Variants in TRPM6 observed in about 807,000 individuals in gnomAD.
The protein encoded by TRPM6 is transient receptor potential cation channel subfamily M member 6.
Under a neutral mutation model 247.6 loss-of-function variants are expected in TRPM6, and 111 were observed. That is an observed-to-expected ratio of 0.45 (90% CI 0.38 to 0.52). The LOEUF is 0.52. Among genes scored for constraint, TRPM6 ranks in the 20% least tolerant of loss-of-function variants. The pLI, the probability that TRPM6 is intolerant of heterozygous loss-of-function variation, is 0.00. For missense variants in TRPM6, 2,126 were observed against 2,421.5 expected (o/e 0.88, Z 2.56); for synonymous variants, 892 against 853.8 (o/e 1.04, Z -0.78).
At chr9:74,835,525 T>C (rs990676121) in intron 5 of TRPM6, among the ~76,000 whole-genome samples, 14 of 152,134 alleles carry the variant, frequency 9.2e-5, no homozygotes, top group Non-Finnish European at 2.1e-4. Context: ...ATGTTAATGT[T>C]CGCCCTTCTG....
At chr9:74,726,598 G>C (rs929768239) in intron 38 of TRPM6, among the ~76,000 whole-genome samples, 2 of 152,194 alleles carry the variant, frequency 1.3e-5, no homozygotes, top group Non-Finnish European at 2.9e-5. Flanking sequence ...CACTAACTGA[G>C]CTCAAGGATT....
At chr9:74,853,825 C>T (rs1005942979) in intron 3 of TRPM6, among the ~76,000 whole-genome samples, 8 of 151,892 alleles carry the variant, frequency 5.3e-5, no homozygotes, top group Non-Finnish European at 1.2e-4. Context: ...CCAAATCCCC[C>T]TCTCCGAGAA....
intron 23 of TRPM6, among the ~76,000 whole-genome samples, chr9:74,778,482 G>A (rs1012043350): frequency 4.6e-5 from 7 of 152,198 alleles, no homozygotes; most frequent in Non-Finnish European, 1.5e-5. Flanking sequence ...GCTTTGTGCT[G>A]CCTCCATAAT....
At chr9:74,773,461 TA>T (rs888937787) in intron 24 of TRPM6, among the ~76,000 whole-genome samples, 1 of 152,200 alleles carries the variant, frequency 6.6e-6, no homozygotes, top group African/African-American at 2.4e-5. Flanking sequence ...AATAACTCAT[TA>T]AAAAGACACA....
intron 1 of TRPM6, among the ~76,000 whole-genome samples, chr9:74,883,856 T>A (rs1215387479): frequency 6.6e-6 from 1 of 152,078 alleles, no homozygotes; most frequent in East Asian, 1.9e-4. Flanking sequence ...TAAAATTAAA[T>A]TAAAATAAAT....
At chr9:74,855,598 G>GT in intron 2 of TRPM6, 33 bp from the exon 3 acceptor site, 1 of 1,443,342 alleles carries the variant, frequency 6.9e-7, no homozygotes, top group Non-Finnish European at 9.8e-7. Flanking sequence ...CTGTTAGTTT[G>GT]TTGGTGTATC....
chr9:74,755,260 A>G, intron 28 of TRPM6, 93 bp downstream of exon 28: 6 of 1,331,440 alleles, frequency 4.5e-6, no homozygotes, highest in Non-Finnish European at 6.4e-6. Flanking sequence ...TCTCCATGTG[A>G]AAGAACAGGA....
chr9:74,855,395 T>A (rs1830493679), intron 3 of TRPM6, 132 bp downstream of exon 3: 2 of 744,060 alleles, frequency 2.7e-6, no homozygotes, highest in South Asian at 1.5e-5. Context: ...AACATCTTTT[T>A]AAAACTTCCC....
intron 19 of TRPM6, among the ~76,000 whole-genome samples, chr9:74,791,363 T>C (rs931680004): frequency 6.6e-6 from 1 of 152,196 alleles, no homozygotes; most frequent in South Asian, 2.1e-4. Flanking sequence ...AATATCCTTT[T>C]ACAGTCACAC....
At chr9:74,852,389 T>A (rs1031784993) in intron 3 of TRPM6, among the ~76,000 whole-genome samples, 2 of 151,506 alleles carry the variant, frequency 1.3e-5, no homozygotes, top group Non-Finnish European at 2.9e-5. Context: ...AAAAAAATTG[T>A]ATAAATGCAT....
At chr9:74,769,094 A>G (rs1284096982) in intron 25 of TRPM6, among the ~76,000 whole-genome samples, 1 of 152,156 alleles carries the variant, frequency 6.6e-6, no homozygotes, top group Non-Finnish European at 1.5e-5. Context: ...CAGTTCATCT[A>G]TATTATCTCA....
chr9:74,801,705 T>G (rs1828344652), intron 16 of TRPM6, among the ~76,000 whole-genome samples, 193 bp downstream of exon 16: 1 of 152,204 alleles, frequency 6.6e-6, no homozygotes, highest in Admixed American at 6.5e-5. Flanking sequence ...GTCCCCTGAC[T>G]TGAAGGTCAC....
At chr9:74,755,601 A>ATTTGTCAGCACTTCCC in intron 27 of TRPM6, 128 bp from the exon 28 acceptor site, 2 of 1,173,324 alleles carry the variant, frequency 1.7e-6, no homozygotes, top group Non-Finnish European at 2.5e-6. Context: ...ATTGCCTGGG[A>ATTTGTCAGCACTTCCC]AGTGCTGACA....
At chr9:74,823,812 AC>A (rs1829216879) in intron 7 of TRPM6, among the ~76,000 whole-genome samples, 1 of 152,164 alleles carries the variant, frequency 6.6e-6, no homozygotes, top group South Asian at 2.1e-4. Context: ...ACTAAATTAT[AC>A]TCATTGACAT....
intron 6 of TRPM6, among the ~76,000 whole-genome samples, chr9:74,828,494 A>G (rs915694770): frequency 1.3e-5 from 2 of 152,246 alleles, no homozygotes; most frequent in Non-Finnish European, 2.9e-5. Flanking sequence ...CTTGTGGTAC[A>G]TGAGATTCAC....
rs777074314 is a variant in TRPM6, at chr9:74,821,867, G to A, written c.842-30C>T. 3.7e-5 allele frequency: 59 copies of A among 1,613,412 alleles called. No individual in the cohort carries two copies. The East Asian group carries it at 1.3e-3, about 36-fold the overall frequency. On this transcript the variant is annotated intron_variant, in intron 7 of 38. Coordinates refer to ENST00000360774, the MANE Select transcript of TRPM6 (RefSeq NM_017662.5). ...TCCAGACCACAAACAATACCACACT[G>A]TTAGAGAATCCCTAGCTCAGCCAGT...
At chr9:74,782,964 C>G (rs1051733119) in intron 21 of TRPM6, 111 bp from the exon 22 acceptor site, 1 of 1,069,700 alleles carries the variant, frequency 9.3e-7, no homozygotes, top group Non-Finnish European at 1.4e-6. Context: ...ATTGTCTAGT[C>G]ATTGACTAAA....
In TRPM6 at chr9:74,796,779, C is replaced by T. The variant is rs1047086489; in HGVS notation, c.2353G>A (p.Asp785Asn). The part of the protein sequence containing the change: ...QDFQFMWYYS[D>N]QNASSSKESA... ...TCTTTGGAACTGCTGGCGTTCTGGT[C>T]ACTGTAATACCACATAAATTGGAAG... Residue 785 changes from aspartate to asparagine, a missense_variant, in exon 18 of 39, where the codon GAC becomes AAC. Around this residue, in one of 3 missense-constraint regions of TRPM6, gnomAD observed 1,082 missense variants for 1,307.9 expected, o/e 0.83. Transcript: ENST00000360774. The T allele has an allele frequency of 1.2e-6, 2 of 1,614,002 alleles. No individual in the cohort carries two copies. Among genetic ancestry groups the T allele is most frequent in the Middle Eastern group, 1.7e-4 (1 of 6,060 alleles).
At position 74,771,763 on chromosome 9, in the gene TRPM6, T is replaced by G; in HGVS notation, c.3476A>C (p.His1159Pro). The stretch of plus-strand genomic sequence containing the variant: ...ACAATTCACATCTTCCATCTTCTCA[T>G]GGAAGTATTTTTCCACGCACTGCTC... ...FEEQCVEKYF[H>P]EKMEDVNCSC... is the part of the protein sequence containing the mutation. Residue 1159 changes from histidine to proline, a missense_variant, in exon 25 of 39, where the codon CAT (histidine) becomes CCT (proline). His to Pro is a moderately conservative substitution (Grantham distance 77, BLOSUM62 -2). Around this residue, in one of 3 missense-constraint regions of TRPM6, gnomAD observed 717 missense variants for 715.9 expected, o/e 1.00. Coordinates refer to ENST00000360774, the MANE Select transcript of TRPM6 (RefSeq NM_017662.5). The G allele has an allele frequency of 6.2e-7, 1 of 1,613,878 alleles. No homozygotes were observed. The highest frequency in any genetic ancestry group is 8.5e-7 in the Non-Finnish European group (1 of 1,179,826).
Sources: gnomAD v4.1 joint callset for allele counts (sites outside exome capture counted in the v4.1 genomes callset) on GRCh38, gnomAD v4.1.1 for gene constraint, gnomAD v4.1.1 regional missense constraint, MANE v1.5 for transcripts, NCBI Gene and HGNC (gene_info 2026-07-23, HGNC 2026-07-21) for gene names.